The following ZNF879 variants were observed in gnomAD, a reference collection of about 807,000 sequenced individuals.
ZNF879 encodes the protein zinc finger protein 879.
Under a neutral mutation model 44.3 loss-of-function variants are expected in ZNF879, and 32 were observed. That is an observed-to-expected ratio of 0.72 (90% CI 0.54 to 0.97). The LOEUF is 0.97. ZNF879 is among the 50% of genes least tolerant of loss of function. ZNF879 has a pLI of 0.00. For missense variants in ZNF879, 621 were observed against 669.7 expected, an observed-to-expected ratio of 0.93 and a Z score of 0.80; for synonymous variants, 234 against 233.2, an observed-to-expected ratio of 1.00 and a Z score of -0.03.
At position 179,031,358 on chromosome 5, in the gene ZNF879, T is replaced by C. The variant is rs181838819; in HGVS notation, c.257-847T>C. ...CTTCTTGTTCACTCTGCTTCAGCTA[T>C]CATGGACTGCTATATGTCCTGGAAA... On this transcript the variant is annotated intron_variant, in intron 4 of 4. Transcript: ENST00000444149. Among the ~76,000 whole-genome samples the C allele has an allele frequency of 1.8e-3, 271 of 152,338 alleles. 1 individual carries two copies. The highest frequency in any genetic ancestry group is 6.1e-3 in the African/African-American group (255 of 41,570).
chr5:179,026,099 A>AAAG (rs1561733142), intron 2 of ZNF879, among the ~76,000 whole-genome samples: 6 of 148,688 alleles, frequency 4.0e-5, no homozygotes, highest in African/African-American at 1.2e-4. Context: ...AAAAAAAAAA[A>AAAG]AAACAAAGAA....
intron 4 of ZNF879, among the ~76,000 whole-genome samples, chr5:179,029,996 A>G (rs907015801): frequency 2.0e-5 from 3 of 152,254 alleles, no homozygotes; most frequent in Non-Finnish European, 2.9e-5. Flanking sequence ...CAAAGCCATA[A>G]TATAAAGAGG....
rs1761509265 is a variant in ZNF879 at position 179,033,844 on chromosome 5, T to G, written c.*204T>G. ...TTCTATAAAATGTTTATTCATATGT[T>G]CTTAAGTTATTACCATGAAATGGAG... is the stretch of plus-strand genomic sequence containing the variant. On this transcript the variant is annotated 3_prime_UTR_variant, in exon 5 of 5. Transcript: ENST00000444149. 2.3e-6 allele frequency: 1 copy of G among 439,974 alleles called. No homozygotes were observed. The allele number at this position is 439,974 out of a possible 1,614,324, so 27.3% of individuals were successfully genotyped here.
intron 4 of ZNF879, among the ~76,000 whole-genome samples, chr5:179,030,500 C>T (rs1761390086): frequency 6.6e-6 from 1 of 152,068 alleles, no homozygotes; most frequent in Non-Finnish European, 1.5e-5. Flanking sequence ...ATGATGTCAG[C>T]CTACATTTAT....
In ZNF879 at chr5:179,033,572, T is replaced by G; in HGVS notation, c.1624T>G (p.Cys542Gly). 5.8e-6 allele frequency: 9 copies of G among 1,549,354 alleles called. No individual in the cohort carries two copies. Among genetic ancestry groups the G allele is most frequent in the Non-Finnish European group, 7.8e-6 (9 of 1,146,642 alleles). ...TCATACAGGGGAAAAACCTTATAAATGTAAAGAATGTGGGAAGGCTTTTAG... is the reference window on the plus strand; with the variant it reads ...TCATACAGGGGAAAAACCTTATAAAGGTAAAGAATGTGGGAAGGCTTTTAG... Reference protein sequence around the residue: ...RIHTGEKPYKCKECGKAFSQS... With the variant: ...RIHTGEKPYKGKECGKAFSQS... The change falls in exon 5 of 5, where the codon TGT (cysteine) becomes GGT (glycine). Residue 542 changes from cysteine to glycine, a missense_variant. Cys to Gly is a radical substitution (Grantham distance 159). Coordinates refer to ENST00000444149, the MANE Select transcript of ZNF879 (RefSeq NM_001136116.3).
rs146460997 is a variant in ZNF879, at chr5:179,027,669, G to C, written c.160+70G>C. 9.4e-3 allele frequency: 14,746 copies of C among 1,568,792 alleles called. 90 individuals are homozygous for C. The highest frequency in any genetic ancestry group is 0.012 in the Non-Finnish European group (13,322 of 1,155,892). ...TTAGCACCCTCAGGGGGCACATTTG[G>C]AGGGCTTGGCCAGGTCGGCTCACAG... On this transcript the variant is annotated intron_variant, in intron 3 of 4. Coordinates refer to ENST00000444149, the MANE Select transcript of ZNF879 (RefSeq NM_001136116.3).
chr5:179,031,690 C>G (rs574930454), intron 4 of ZNF879, among the ~76,000 whole-genome samples: 10 of 152,314 alleles, frequency 6.6e-5, no homozygotes, highest in Admixed American at 6.5e-4. Flanking sequence ...CCCTGTCATT[C>G]TCAGAGTCTT....
chr5:179,031,080 C>T (rs138958268), intron 4 of ZNF879, among the ~76,000 whole-genome samples: 8 of 152,336 alleles, frequency 5.3e-5, no homozygotes, highest in Admixed American at 2.6e-4. Flanking sequence ...TCAGCCACCA[C>T]CATCTTCATC....
intron 2 of ZNF879, among the ~76,000 whole-genome samples, chr5:179,026,204 A>G (rs866413365): frequency 7.9e-5 from 12 of 152,224 alleles, no homozygotes; most frequent in South Asian, 2.1e-4. Context: ...ACAAAGTGCA[A>G]ACAACCTAAA....
At chr5:179,029,588 T>C (rs1761368167) in intron 4 of ZNF879, among the ~76,000 whole-genome samples, 1 of 152,238 alleles carries the variant, frequency 6.6e-6, no homozygotes. Context: ...TTGTCAGTGT[T>C]GTTTTACAAG....
intron 4 of ZNF879, among the ~76,000 whole-genome samples, chr5:179,029,153 G>T: frequency 6.9e-6 from 1 of 145,200 alleles, no homozygotes; most frequent in African/African-American, 2.6e-5. Flanking sequence ...CACTGTCTTT[G>T]GGCATGGAGT....
At position 179,032,356 on chromosome 5, in the gene ZNF879, A is replaced by G; in HGVS notation, c.408A>G (p.Arg136=). ...KLEKQQGKKN[R]LFSKVLVTIK... ...AGAAGCAACAAGGCAAAAAGAACAG[A>G]CTTTTCAGTAAAGTGTTAGTTACCA... The change falls in exon 5 of 5, where the codon AGA becomes AGG. Residue 136 remains arginine, a synonymous_variant. Transcript: ENST00000444149. 2 of 1,551,388 alleles carry G rather than the reference A, an allele frequency of 1.3e-6. No individual in the cohort carries two copies. Among genetic ancestry groups the G allele is most frequent in the Non-Finnish European group, 1.7e-6 (2 of 1,146,946 alleles).
intron 1 of ZNF879, 132 bp from the exon 2 acceptor site, chr5:179,024,838 C>A (rs1429195855): frequency 6.1e-6 from 4 of 650,852 alleles, no homozygotes; most frequent in South Asian, 4.0e-5. Context: ...GACTTAGGGC[C>A]CCTCTGGCCT....
At chr5:179,024,680 G>A (rs148136443) in intron 1 of ZNF879, 158 of 354,090 alleles carry the variant, frequency 4.5e-4, no homozygotes, top group African/African-American at 2.9e-3. Flanking sequence ...ATCTGAATGA[G>A]CCTTGCCTGA....
At chr5:179,030,549 A>C (rs1276832415) in intron 4 of ZNF879, among the ~76,000 whole-genome samples, 1 of 152,184 alleles carries the variant, frequency 6.6e-6, no homozygotes, top group Non-Finnish European at 1.5e-5. Context: ...AGTGAAATGG[A>C]GGTAAAGGAA....
chr5:179,032,053 ATG>A (rs946130090), intron 4 of ZNF879, among the ~76,000 whole-genome samples, 150 bp from the exon 5 acceptor site: 81 of 149,828 alleles, frequency 5.4e-4, no homozygotes, highest in African/African-American at 1.9e-3. Flanking sequence ...TCCCACCCAC[ATG>A]TCTGTCATCC....
rs1211545277 is a variant in ZNF879, at chr5:179,032,487, G to A, written c.539G>A (p.Gly180Glu). 9 of 1,551,554 alleles carry A rather than the reference G, an allele frequency of 5.8e-6. No homozygotes were observed. The highest frequency in any genetic ancestry group is 1.4e-5 in the African/African-American group (1 of 73,040). Residue 180 changes from glycine to glutamate, a missense_variant, in exon 5 of 5, where the codon GGA (glycine) becomes GAA (glutamate). Physicochemically the swap from Gly to Glu is moderately conservative, Grantham distance 98 (BLOSUM62 -2). Transcript: ENST00000444149. ...AGAAAACCGAGAATAGTTTCCAGAG[G>A]AAGGAGACCCCGTTCACAGCAGTAT... Reference protein sequence around the residue: ...LIRKPRIVSRGRRPRSQQYSV... With the variant: ...LIRKPRIVSRERRPRSQQYSV...
In ZNF879 at chr5:179,032,133, T is replaced by C. The variant is rs1761432394; in HGVS notation, c.257-72T>C. The C allele has an allele frequency of 2.3e-5, 26 of 1,131,504 alleles. No individual in the cohort carries two copies. In the East Asian group the frequency reaches 6.3e-4, roughly 28 times the overall value. 70.1% of individuals were successfully genotyped at this position (1,131,504 alleles called of 1,614,324 possible). Reference sequence around the variant, plus strand: ...TTCAAGGCTTTATATTTTTTAACTATCCTTGTGCGTTTTTATGTCACTTTT... The same window carrying C: ...TTCAAGGCTTTATATTTTTTAACTACCCTTGTGCGTTTTTATGTCACTTTT... On this transcript the variant is annotated intron_variant, in intron 4 of 4. Coordinates refer to ENST00000444149, the MANE Select transcript of ZNF879 (RefSeq NM_001136116.3).
At chr5:179,026,595 G>A (rs926938810) in intron 2 of ZNF879, among the ~76,000 whole-genome samples, 4 of 152,182 alleles carry the variant, frequency 2.6e-5, no homozygotes, top group Non-Finnish European at 4.4e-5. Flanking sequence ...CAAGCCTTTT[G>A]TCTCAGCCTT....
Sources: allele counts gnomAD v4.1 joint callset (sites outside exome capture counted in the v4.1 genomes callset), GRCh38; gene constraint gnomAD v4.1.1; transcripts MANE v1.5; gene names NCBI Gene and HGNC (gene_info 2026-07-23, HGNC 2026-07-21).